The following ADAMTS6 variants were observed in gnomAD, a reference collection of about 807,000 sequenced individuals.
The protein encoded by ADAMTS6 is A disintegrin and metalloproteinase with thrombospondin motifs 6.
A neutral mutation model predicts 144.3 loss-of-function variants in ADAMTS6; 23 were observed. The ratio of observed to expected loss-of-function variants is 0.16; its 90% CI spans 0.11 to 0.23. The LOEUF is 0.23. Ranked by LOEUF, ADAMTS6 falls within the 10% of genes least tolerant of loss-of-function variation. ADAMTS6 has a pLI of 1.00. For synonymous variants in ADAMTS6, 444 were observed against 457.5 expected (o/e 0.97, Z 0.38); for missense variants, 999 against 1,379.6 (o/e 0.72, Z 4.37).
intron 9 of ADAMTS6, among the ~76,000 whole-genome samples, chr5:65,307,937 T>C (rs566398879): frequency 1.2e-4 from 18 of 152,178 alleles, no homozygotes; most frequent in Non-Finnish European, 2.2e-4. Context: ...CAGCCTCCCT[T>C]GTTCTCCAAC....
chr5:65,271,413 C>T (rs1394430951), intron 12 of ADAMTS6, among the ~76,000 whole-genome samples: 2 of 150,190 alleles, frequency 1.3e-5, no homozygotes, highest in Non-Finnish European at 3.0e-5. Context: ...AATTACATTT[C>T]CTCTCTATTT....
intron 24 of ADAMTS6, 89 bp downstream of exon 24, chr5:65,170,528 A>G (rs1753550586): frequency 2.8e-6 from 4 of 1,446,136 alleles, no homozygotes; most frequent in East Asian, 2.3e-5. Context: ...ACTACACTAC[A>G]GTAGTGGGTT....
At chr5:65,286,543 A>G (rs1225118053) in intron 11 of ADAMTS6, among the ~76,000 whole-genome samples, 1 of 152,262 alleles carries the variant, frequency 6.6e-6, no homozygotes, top group African/African-American at 2.4e-5. Context: ...TTTCCCATAA[A>G]TAAACAAAGC....
intron 14 of ADAMTS6, among the ~76,000 whole-genome samples, chr5:65,252,183 T>G (rs1760224370): frequency 1.3e-5 from 2 of 152,108 alleles, no homozygotes; most frequent in Admixed American, 6.5e-5. Flanking sequence ...AATAATAAAG[T>G]ATTCCTTTTT....
chr5:65,470,487 A>C (rs894393969), intron 3 of ADAMTS6, among the ~76,000 whole-genome samples: 3 of 152,172 alleles, frequency 2.0e-5, no homozygotes, highest in East Asian at 1.9e-4. Context: ...GTTTATGCAT[A>C]AAAGATATCT....
intron 14 of ADAMTS6, among the ~76,000 whole-genome samples, chr5:65,243,821 C>A (rs1561321246): frequency 6.6e-6 from 1 of 151,418 alleles, no homozygotes; most frequent in Non-Finnish European, 1.5e-5. Context: ...CAAAAACAAA[C>A]AAAAAAAACA....
chr5:65,376,621 AG>A (rs774099117), intron 7 of ADAMTS6, among the ~76,000 whole-genome samples: 77 of 152,186 alleles, frequency 5.1e-4, no homozygotes, highest in Admixed American at 3.3e-4. Context: ...CAATTGCCTC[AG>A]GAATTCAAGA....
chr5:65,214,307 A>G lies in ADAMTS6; in HGVS notation c.2575+487T>C. On this transcript the variant is annotated intron_variant, in intron 20 of 24. Coordinates refer to ENST00000381055, the MANE Select transcript of ADAMTS6 (RefSeq NM_197941.4). The surrounding 1 kb of genome is among the most constrained non-coding windows in gnomAD (Gnocchi z 4.6). ...ATACCAGTAATTATTGTAGCATCCC[A>G]GTATACAGCCCCTTAACTTTGATGG... 3.4e-6 allele frequency: 1 copy of G among 298,074 alleles called. No homozygotes were observed. The highest frequency in any genetic ancestry group is 9.2e-5 in the East Asian group (1 of 10,864). 18.5% of individuals were successfully genotyped at this position (298,074 alleles called of 1,614,324 possible).
intron 3 of ADAMTS6, among the ~76,000 whole-genome samples, 162 bp from the exon 4 acceptor site, chr5:65,460,500 T>C (rs139250500): frequency 1.0e-3 from 152 of 152,336 alleles, no homozygotes; most frequent in African/African-American, 3.5e-3. Context: ...TAAAACATTA[T>C]ATAAATGTTC....
chr5:65,402,483 C>T (rs1246747166), intron 7 of ADAMTS6, among the ~76,000 whole-genome samples: 1 of 152,052 alleles, frequency 6.6e-6, no homozygotes, highest in East Asian at 1.9e-4. Flanking sequence ...TTACTTCATA[C>T]TTCTTCTCTC....
chr5:65,301,811 G>A (rs780618796), intron 9 of ADAMTS6, among the ~76,000 whole-genome samples: 2 of 151,932 alleles, frequency 1.3e-5, no homozygotes, highest in Admixed American at 6.6e-5. Flanking sequence ...CTCATAGGCC[G>A]GGCCGGGTGG....
chr5:65,402,368 A>G (rs1753994020), intron 7 of ADAMTS6, among the ~76,000 whole-genome samples: 1 of 152,156 alleles, frequency 6.6e-6, no homozygotes, highest in Non-Finnish European at 1.5e-5. Flanking sequence ...AACCATGCTG[A>G]CTGATTTCAC....
chr5:65,256,359 T>G (rs1324037445), intron 14 of ADAMTS6: 1 of 152,182 alleles, frequency 6.6e-6, no homozygotes, highest in Non-Finnish European at 1.5e-5. Flanking sequence ...TATATTAGAT[T>G]ACATTAAAGC....
At chr5:65,365,836 A>G (rs908622911) in intron 7 of ADAMTS6, among the ~76,000 whole-genome samples, 4 of 152,140 alleles carry the variant, frequency 2.6e-5, no homozygotes, top group African/African-American at 9.7e-5. Flanking sequence ...CTTATTTTAC[A>G]AAGTAAAATG....
intron 8 of ADAMTS6, among the ~76,000 whole-genome samples, chr5:65,330,989 G>A (rs1027544171): frequency 2.0e-5 from 3 of 151,860 alleles, no homozygotes; most frequent in South Asian, 2.1e-4. Flanking sequence ...TCTCCACTGA[G>A]AGAAAGAGAC....
chr5:65,320,046 T>C (rs1745448853), intron 9 of ADAMTS6, among the ~76,000 whole-genome samples: 1 of 152,108 alleles, frequency 6.6e-6, no homozygotes. Flanking sequence ...TTTCTCCTTG[T>C]TGGTAAGGCT....
chr5:65,300,612 T>A (rs1183272746), intron 9 of ADAMTS6, among the ~76,000 whole-genome samples: 2 of 151,980 alleles, frequency 1.3e-5, no homozygotes, highest in African/African-American at 4.8e-5. Flanking sequence ...ATAGGCCAAA[T>A]ACATAAGTCC....
At chr5:65,302,823 CCT>C (rs1386385939) in intron 9 of ADAMTS6, among the ~76,000 whole-genome samples, 4 of 151,868 alleles carry the variant, frequency 2.6e-5, no homozygotes, top group African/African-American at 7.3e-5. Context: ...TATACGTATC[CCT>C]GTTTCATGTT....
At position 65,224,456 on chromosome 5, in the gene ADAMTS6, G is replaced by A. The variant is rs1044143934; in HGVS notation, c.2192-56C>T. On this transcript the variant is annotated intron_variant, in intron 17 of 24. Transcript: ENST00000381055. ...AGCCTTGGTCAGGAAATGAGTATTTGGTAACCATTCAATAGTAATAGTTTC... is the reference window on the plus strand; with the variant it reads ...AGCCTTGGTCAGGAAATGAGTATTTAGTAACCATTCAATAGTAATAGTTTC... The A allele has an allele frequency of 2.8e-6, 4 of 1,408,944 alleles. No individual in the cohort carries two copies. The African/African-American group carries it at 4.2e-5, about 15-fold the overall frequency. The allele number at this position is 1,408,944 out of a possible 1,614,324, so 87.3% of individuals were successfully genotyped here.
Sources: gnomAD v4.1 joint callset for allele counts (sites outside exome capture counted in the v4.1 genomes callset) on GRCh38, gnomAD v4.1.1 for gene constraint, Gnocchi (gnomAD v3.1) non-coding constraint, MANE v1.5 for transcripts, NCBI Gene and HGNC (gene_info 2026-07-23, HGNC 2026-07-21) for gene names.